Variants in PKHD1 observed in about 807,000 individuals in gnomAD.
PKHD1 encodes the protein PKHD1 ciliary IPT domain containing fibrocystin/polyductin, also known as fibrocystin.
In PKHD1, 291 loss-of-function variants were observed where a neutral mutation model predicts 412.0. That is an observed-to-expected ratio of 0.71 (90% confidence interval 0.64 to 0.78). PKHD1 has a LOEUF of 0.78. Ranked by LOEUF, PKHD1 falls within the 30% of genes least tolerant of loss-of-function variation. The probability of loss-of-function intolerance (pLI) is 0.00; values close to 1 mark genes in which losing one functional copy is unlikely to be tolerated. For synonymous variants in PKHD1, 1,777 were observed against 1,821.5 expected, an observed-to-expected ratio of 0.98 and a Z score of 0.62; for missense variants, 4,825 against 4,950.7, an observed-to-expected ratio of 0.97 and a Z score of 0.76.
chr6:51,972,820 T>G (rs1055312386), intron 35 of PKHD1, among the ~76,000 whole-genome samples: 1 of 152,192 alleles, frequency 6.6e-6, no homozygotes, highest in Non-Finnish European at 1.5e-5. Flanking sequence ...TTGAGCAACA[T>G]TAGAGGTAAA....
At chr6:51,820,310 C>T (rs1361429894) in intron 52 of PKHD1, among the ~76,000 whole-genome samples, 1 of 152,202 alleles carries the variant, frequency 6.6e-6, no homozygotes, top group Non-Finnish European at 1.5e-5. Flanking sequence ...TACAGTCTGT[C>T]AGTCCATCTA....
At chr6:51,770,206 T>C (rs1044726248) in intron 55 of PKHD1, among the ~76,000 whole-genome samples, 4 of 151,810 alleles carry the variant, frequency 2.6e-5, no homozygotes, top group Admixed American at 6.6e-5. Context: ...AATTTCACCT[T>C]ACATTTCCTA....
intron 60 of PKHD1, among the ~76,000 whole-genome samples, chr6:51,737,352 A>T (rs549226122): frequency 6.6e-6 from 1 of 152,354 alleles, no homozygotes; most frequent in East Asian, 1.9e-4. Context: ...ATCCACTGAT[A>T]TATTATGAAA....
intron 52 of PKHD1, among the ~76,000 whole-genome samples, chr6:51,821,035 T>C (rs1766332925): frequency 6.6e-6 from 1 of 152,224 alleles, no homozygotes; most frequent in South Asian, 2.1e-4. Flanking sequence ...TGCTCCTTGC[T>C]TGGCTTGTAC....
At chr6:51,764,743 T>C (rs565754072) in intron 55 of PKHD1, among the ~76,000 whole-genome samples, 49 of 152,228 alleles carry the variant, frequency 3.2e-4, no homozygotes, top group African/African-American at 1.2e-3. Flanking sequence ...ACCAACTCCT[T>C]GGAACCCTGT....
intron 27 of PKHD1, among the ~76,000 whole-genome samples, chr6:52,037,342 T>C (rs1374185149): frequency 6.6e-6 from 1 of 152,090 alleles, no homozygotes; most frequent in Non-Finnish European, 1.5e-5. Context: ...CTAAGTATTT[T>C]AGAAGTCCTG....
intron 53 of PKHD1, among the ~76,000 whole-genome samples, chr6:51,785,490 T>C (rs888806684): frequency 6.6e-5 from 10 of 152,190 alleles, no homozygotes; most frequent in Non-Finnish European, 4.4e-5. Context: ...TTTTATTTGT[T>C]TTACATGAAA....
chr6:51,969,107 T>A (rs1396831791), intron 35 of PKHD1, among the ~76,000 whole-genome samples: 1 of 152,198 alleles, frequency 6.6e-6, no homozygotes, highest in Non-Finnish European at 1.5e-5. Context: ...GGTGAGTCCT[T>A]AAGAGAGAGA....
intron 36 of PKHD1, among the ~76,000 whole-genome samples, chr6:51,941,703 A>G (rs1183205823): frequency 6.6e-6 from 1 of 151,510 alleles, no homozygotes; most frequent in African/African-American, 2.4e-5. Flanking sequence ...CCAAACCCAT[A>G]TACTCTCCTA....
intron 8 of PKHD1, 108 bp downstream of exon 8, chr6:52,072,007 A>C: frequency 1.3e-6 from 1 of 759,934 alleles, no homozygotes; most frequent in Non-Finnish European, 2.4e-6. Context: ...TATTTTAAAA[A>C]AACAGATATA....
chr6:52,059,075 A>G (rs776167601), intron 15 of PKHD1, among the ~76,000 whole-genome samples: 8 of 152,098 alleles, frequency 5.3e-5, no homozygotes, highest in Non-Finnish European at 1.0e-4. Flanking sequence ...TGTTAAAGGC[A>G]TCTTTTCTTA....
chr6:51,655,412 T>C (rs185765570), intron 61 of PKHD1, among the ~76,000 whole-genome samples: 1 of 152,234 alleles, frequency 6.6e-6, no homozygotes, highest in East Asian at 1.9e-4. Flanking sequence ...AGCAACCTGA[T>C]AGGGTGCTCC....
At chr6:51,745,270 C>T (rs1020103692) in intron 59 of PKHD1, among the ~76,000 whole-genome samples, 1 of 152,018 alleles carries the variant, frequency 6.6e-6, no homozygotes, top group Non-Finnish European at 1.5e-5. Context: ...AAACTTAATC[C>T]TTAATGAAAC....
intron 52 of PKHD1, among the ~76,000 whole-genome samples, chr6:51,819,896 G>A (rs1326599): frequency 0.92 from 140,271 of 152,234 alleles, 65,762 homozygotes; most frequent in East Asian, 1. Context: ...TGAACTGAAC[G>A]TTAGAATGTC....
At chr6:51,917,969 T>C (rs941840177) in intron 37 of PKHD1, among the ~76,000 whole-genome samples, 2 of 152,050 alleles carry the variant, frequency 1.3e-5, no homozygotes, top group African/African-American at 2.4e-5. Flanking sequence ...AGTGAGAAAA[T>C]GGACTTACTG....
At chr6:51,903,271 C>T (rs1294653222) in intron 43 of PKHD1, among the ~76,000 whole-genome samples, 1 of 152,156 alleles carries the variant, frequency 6.6e-6, no homozygotes, top group Non-Finnish European at 1.5e-5. Flanking sequence ...TACCACACCA[C>T]CACTAACGCT....
At chr6:52,066,731 C>G (rs779581945) in intron 11 of PKHD1, among the ~76,000 whole-genome samples, 10 of 152,038 alleles carry the variant, frequency 6.6e-5, no homozygotes, top group Non-Finnish European at 1.5e-4. Context: ...GAAACCCTGT[C>G]TCTTCTAAAA....
At position 51,748,255 on chromosome 6, in the gene PKHD1, T is replaced by C. The variant is rs776688801; in HGVS notation, c.9361A>G (p.Asn3121Asp). The C allele has an allele frequency of 6.2e-7, 1 of 1,614,092 alleles. No homozygotes were observed. The highest frequency in any genetic ancestry group is 1.7e-5 in the Admixed American group (1 of 60,012). ...CCATGAAGACTTGAATGCGCCACAT[T>C]GTCAGACCAAAGCAGTTCACAAGAG... ...CSSCELLWSDNVAHSSLHGLH... is the reference protein window; with the variant it reads ...CSSCELLWSDDVAHSSLHGLH... The change falls in exon 58 of 67, where the codon AAT becomes GAT. Residue 3121 changes from asparagine (N) to aspartate (D), a missense_variant. Transcript: ENST00000371117.
chr6:52,044,727 T>C lies in PKHD1; in HGVS notation c.2715+239A>G, dbSNP rs12660652. Among the ~76,000 whole-genome samples, 14,670 of 152,288 alleles carry C rather than the reference T, an allele frequency of 0.096. 833 individuals carry two copies. Among genetic ancestry groups the C allele is most frequent in the Middle Eastern group, 0.21 (61 of 294 alleles). ...AGCTATAGAAATTATCAATTTTTTG[T>C]ACCATAACAACAGTATCAATAATTA... On this transcript the variant is annotated intron_variant, in intron 25 of 66. Transcript: ENST00000371117.
Sources: gnomAD v4.1 joint callset for allele counts (sites outside exome capture counted in the v4.1 genomes callset) on GRCh38, gnomAD v4.1.1 for gene constraint, MANE v1.5 for transcripts, NCBI Gene and HGNC (gene_info 2026-07-23, HGNC 2026-07-21) for gene names.